Variants in FHIT observed in about 807,000 individuals in gnomAD.
FHIT encodes the protein fragile histidine triad diadenosine triphosphatase, also known as bis(5'-adenosyl)-triphosphatase.
Under a neutral mutation model 17.9 loss-of-function variants are expected in FHIT, and 19 were observed. The ratio of observed to expected loss-of-function variants is 1.06; its 90% CI spans 0.74 to 1.56. FHIT has a LOEUF of 1.56. FHIT is among the 40% of genes most tolerant of loss of function. The pLI, the probability that FHIT is intolerant of heterozygous loss-of-function variation, is 0.00. For synonymous variants in FHIT, 81 were observed against 69.7 expected (o/e 1.16, Z -0.81); for missense variants, 248 against 189.2 (o/e 1.31, Z -1.82).
chr3:59,971,978 C>T (rs914805414), intron 7 of FHIT, among the ~76,000 whole-genome samples: 3 of 152,154 alleles, frequency 2.0e-5, no homozygotes, highest in African/African-American at 7.2e-5. Flanking sequence ...TCAACCCCTT[C>T]ATGCTAGGCC....
chr3:61,000,146 C>T (rs547769533), intron 3 of FHIT, among the ~76,000 whole-genome samples: 2 of 152,232 alleles, frequency 1.3e-5, no homozygotes, highest in South Asian at 4.2e-4. Flanking sequence ...TTTTTACCCT[C>T]CAGTGATCAG....
chr3:61,167,719 G>A (rs1478487881), intron 2 of FHIT, among the ~76,000 whole-genome samples: 4 of 150,382 alleles, frequency 2.7e-5, no homozygotes, highest in Admixed American at 2.7e-4. Flanking sequence ...GAAAGGAAAA[G>A]AAAAGAAAAA....
At chr3:59,800,744 G>T (rs1031344831) in intron 8 of FHIT, among the ~76,000 whole-genome samples, 2 of 152,104 alleles carry the variant, frequency 1.3e-5, no homozygotes, top group Admixed American at 6.5e-5. Flanking sequence ...AGAGAAAGGG[G>T]GTCTTAAATG....
intron 7 of FHIT, among the ~76,000 whole-genome samples, chr3:60,006,591 T>C (rs1465574840): frequency 6.6e-6 from 1 of 151,932 alleles, no homozygotes; most frequent in Non-Finnish European, 1.5e-5. Flanking sequence ...TACCATGTAC[T>C]GAACATCAAT....
chr3:60,862,974 G>C (rs537863191), intron 3 of FHIT, among the ~76,000 whole-genome samples: 1 of 152,166 alleles, frequency 6.6e-6, no homozygotes, highest in Non-Finnish European at 1.5e-5. Flanking sequence ...ACATAGGAAG[G>C]TTATCTTGAA....
At chr3:60,487,186 G>A (rs1256138273) in intron 5 of FHIT, among the ~76,000 whole-genome samples, 1 of 152,016 alleles carries the variant, frequency 6.6e-6, no homozygotes, top group Non-Finnish European at 1.5e-5. Flanking sequence ...GACTTCACTA[G>A]GCAAGTTAAA....
At chr3:61,211,349 T>C (rs1409168330) in intron 1 of FHIT, among the ~76,000 whole-genome samples, 1 of 152,158 alleles carries the variant, frequency 6.6e-6, no homozygotes, top group Non-Finnish European at 1.5e-5. Flanking sequence ...ACCAGAAGAT[T>C]ATATCCCACA....
At chr3:60,500,185 A>G (rs1442430553) in intron 5 of FHIT, among the ~76,000 whole-genome samples, 1 of 152,234 alleles carries the variant, frequency 6.6e-6, no homozygotes, top group African/African-American at 2.4e-5. Flanking sequence ...TTATTGGAAC[A>G]CAGCCCTGTT....
At chr3:60,828,680 C>A (rs1160433107) in intron 3 of FHIT, among the ~76,000 whole-genome samples, 1 of 152,042 alleles carries the variant, frequency 6.6e-6, no homozygotes, top group Non-Finnish European at 1.5e-5. Context: ...GAGTTTGAGA[C>A]CAGCCTGACC....
chr3:59,788,286 T>C (rs1575494962), intron 8 of FHIT, among the ~76,000 whole-genome samples: 1 of 152,162 alleles, frequency 6.6e-6, no homozygotes, highest in Non-Finnish European at 1.5e-5. Context: ...CCTGCCTCAA[T>C]TGAATCATCC....
intron 3 of FHIT, among the ~76,000 whole-genome samples, chr3:61,038,283 A>G (rs544877472): frequency 6.6e-6 from 1 of 152,330 alleles, no homozygotes; most frequent in African/African-American, 2.4e-5. Context: ...CATTTACGTT[A>G]AATCAAATTT....
At chr3:60,109,737 C>T (rs369162635) in intron 5 of FHIT, among the ~76,000 whole-genome samples, 8 of 152,254 alleles carry the variant, frequency 5.3e-5, no homozygotes, top group African/African-American at 1.4e-4. Flanking sequence ...CCCTGGAAGA[C>T]ATGTTCTTAG....
chr3:60,193,426 C>T (rs1702490422), intron 5 of FHIT, among the ~76,000 whole-genome samples: 1 of 152,144 alleles, frequency 6.6e-6, no homozygotes, highest in African/African-American at 2.4e-5. Flanking sequence ...CCAGTATATT[C>T]TGCAAAGTGA....
intron 2 of FHIT, among the ~76,000 whole-genome samples, chr3:61,095,781 G>T (rs992652692): frequency 1.3e-5 from 2 of 152,014 alleles, no homozygotes; most frequent in African/African-American, 4.8e-5. Context: ...CTCTCTTCAG[G>T]GTATCACTCC....
At chr3:61,203,858 A>T (rs1260402085) in intron 1 of FHIT, among the ~76,000 whole-genome samples, 2 of 152,262 alleles carry the variant, frequency 1.3e-5, no homozygotes, top group African/African-American at 2.4e-5. Flanking sequence ...ATAAGCAAAG[A>T]GGCCCTTACA....
At chr3:61,063,475 T>C (rs1048712140) in intron 2 of FHIT, among the ~76,000 whole-genome samples, 9 of 152,076 alleles carry the variant, frequency 5.9e-5, no homozygotes, top group Admixed American at 4.6e-4. Flanking sequence ...TTTAAAAATA[T>C]ATACCAGAAG....
At chr3:60,902,738 C>CA (rs1706188558) in intron 3 of FHIT, among the ~76,000 whole-genome samples, 1 of 152,148 alleles carries the variant, frequency 6.6e-6, no homozygotes, top group Non-Finnish European at 1.5e-5. Flanking sequence ...CCTTCCTAAC[C>CA]TAGTTTGAGC....
chr3:60,188,030 T>C (rs1389664763), intron 5 of FHIT, among the ~76,000 whole-genome samples: 1 of 152,102 alleles, frequency 6.6e-6, no homozygotes, highest in African/African-American at 2.4e-5. Context: ...TTCAAAATGA[T>C]GCACCTGTAT....
chr3:60,376,388 G>C (rs762916199), intron 5 of FHIT, among the ~76,000 whole-genome samples: 1 of 152,200 alleles, frequency 6.6e-6, no homozygotes, highest in South Asian at 2.1e-4. Context: ...TGTTTACAAG[G>C]TGTGAACTTT....
Sources: gnomAD v4.1 joint callset for allele counts (sites outside exome capture counted in the v4.1 genomes callset) on GRCh38, gnomAD v4.1.1 for gene constraint, MANE v1.5 for transcripts, NCBI Gene and HGNC (gene_info 2026-07-23, HGNC 2026-07-21) for gene names.